The following TPH2 variants were observed in gnomAD, a reference collection of about 807,000 sequenced individuals.
The protein encoded by TPH2 is tryptophan hydroxylase 2, also known as tryptophan 5-hydroxylase 2.
Under a neutral mutation model 59.1 loss-of-function variants are expected in TPH2, and 27 were observed. That is an observed-to-expected ratio of 0.46 (90% confidence interval 0.34 to 0.63). The LOEUF (loss-of-function observed/expected upper bound fraction) is 0.63. TPH2 is among the 30% of genes least tolerant of loss of function. The pLI is 0.01. For missense variants in TPH2, 523 were observed against 588.3 expected (o/e 0.89, Z 1.15); for synonymous variants, 220 against 210.5 (o/e 1.05, Z -0.39).
intron 8 of TPH2, among the ~76,000 whole-genome samples, chr12:72,009,375 A>G (rs897464887): frequency 1.3e-5 from 2 of 152,222 alleles, no homozygotes; most frequent in African/African-American, 4.8e-5. Context: ...TCAAGTCATC[A>G]TCCTTTATTG....
chr12:72,021,636 AG>A (rs1196603435), intron 8 of TPH2, among the ~76,000 whole-genome samples: 1 of 152,178 alleles, frequency 6.6e-6, no homozygotes, highest in Non-Finnish European at 1.5e-5. Context: ...AGGCTAAGCT[AG>A]GATGTTCAGC....
chr12:71,943,564 G>C (rs1237723734), intron 2 of TPH2, among the ~76,000 whole-genome samples: 7 of 152,120 alleles, frequency 4.6e-5, no homozygotes, highest in Non-Finnish European at 8.8e-5. Flanking sequence ...TTTGAAGATT[G>C]CCAAAAGAGA....
At chr12:72,018,479 A>G (rs912985498) in intron 8 of TPH2, among the ~76,000 whole-genome samples, 4 of 152,156 alleles carry the variant, frequency 2.6e-5, no homozygotes, top group African/African-American at 9.7e-5. Flanking sequence ...ATTTTTTCAG[A>G]GGCTCTCTTA....
intron 9 of TPH2, among the ~76,000 whole-genome samples, chr12:72,028,401 A>G (rs1873627343): frequency 6.6e-6 from 1 of 152,150 alleles, no homozygotes; most frequent in Non-Finnish European, 1.5e-5. Context: ...AGAAAATGAG[A>G]AGCAAACTCA....
chr12:71,981,434 G>A (rs371068123), intron 7 of TPH2, among the ~76,000 whole-genome samples: 1 of 152,150 alleles, frequency 6.6e-6, no homozygotes, highest in African/African-American at 2.4e-5. Flanking sequence ...GGGAATTGTT[G>A]AGAATGAACA....
intron 9 of TPH2, among the ~76,000 whole-genome samples, chr12:72,023,824 A>AAAAAAAAAAAAAAAG (rs1555215108): frequency 4.7e-5 from 6 of 126,734 alleles, no homozygotes; most frequent in South Asian, 2.5e-4. Context: ...TCTGACAGAA[A>AAAAAAAAAAAAAAAG]AAAAAAAAAA....
chr12:71,940,463 A>G (rs997596859), intron 1 of TPH2, among the ~76,000 whole-genome samples: 1 of 152,200 alleles, frequency 6.6e-6, no homozygotes, highest in Non-Finnish European at 1.5e-5. Context: ...ATGGCAGATA[A>G]CTATTCACTG....
At chr12:71,966,603 A>T (rs1174841999) in intron 5 of TPH2, among the ~76,000 whole-genome samples, 4 of 152,210 alleles carry the variant, frequency 2.6e-5, no homozygotes, top group Admixed American at 6.5e-5. Context: ...TAATGAAATA[A>T]AATAGTAAAT....
At chr12:72,014,640 C>T (rs1436909325) in intron 8 of TPH2, among the ~76,000 whole-genome samples, 2 of 152,144 alleles carry the variant, frequency 1.3e-5, no homozygotes, top group African/African-American at 4.8e-5. Context: ...ATCTACCCGC[C>T]TTGGCCTCCC....
At chr12:72,021,381 GTGTGTGTGTGTGTGTA>G (rs1324053332) in intron 8 of TPH2, among the ~76,000 whole-genome samples, 9 of 150,626 alleles carry the variant, frequency 6.0e-5, no homozygotes, top group African/African-American at 2.2e-4. Context: ...GTGTGTGTGT[GTGTGTGTGTGTGTGTA>G]TGTGTGTATA....
intron 8 of TPH2, among the ~76,000 whole-genome samples, chr12:71,995,533 C>T (rs1455769697): frequency 6.6e-6 from 1 of 152,186 alleles, no homozygotes; most frequent in East Asian, 1.9e-4. Context: ...TCTTTCAGTA[C>T]ATCTTTTGTT....
intron 8 of TPH2, among the ~76,000 whole-genome samples, chr12:72,014,301 T>C (rs1005444545): frequency 1.3e-5 from 2 of 152,128 alleles, no homozygotes; most frequent in African/African-American, 4.8e-5. Context: ...ACATTTTACA[T>C]AGGACTAGCC....
chr12:71,992,096 T>C (rs113329458), intron 7 of TPH2, among the ~76,000 whole-genome samples: 1 of 152,310 alleles, frequency 6.6e-6, no homozygotes, highest in African/African-American at 2.4e-5. Flanking sequence ...TGAGAAGCAC[T>C]GGGTTGGAGG....
Position 71,972,597 on chromosome 12 carries a change from ACT to A in TPH2, c.690_691del (p.Tyr231SerfsTer17). On this transcript the variant is annotated frameshift_variant, in exon 6 of 11. Coordinates refer to ENST00000333850, the MANE Select transcript of TPH2 (RefSeq NM_173353.4). LOFTEE classifies it high-confidence loss of function. ...WGVVFRELSK[L>X]YPTHACREYL... ...GTGTTGTATTCCGGGAGCTCTCCAA[ACT>A]CTATCCCACTCATGCTTGCCGAGAG... 1 of 1,613,990 alleles carries A rather than the reference ACT, an allele frequency of 6.2e-7. No individual in the cohort carries two copies. The highest frequency in any genetic ancestry group is 8.5e-7 in the Non-Finnish European group (1 of 1,179,986).
At chr12:72,012,173 T>TCAACAACAACAACAACAACAA (rs58438005) in intron 8 of TPH2, among the ~76,000 whole-genome samples, 10 of 151,536 alleles carry the variant, frequency 6.6e-5, no homozygotes, top group African/African-American at 1.7e-4. Flanking sequence ...GAGCAGGAAT[T>TCAACAACAACAACAACAACAA]CAACAACAAC....
At chr12:71,964,913 C>T (rs1871775349) in intron 5 of TPH2, 1 of 222,560 alleles carries the variant, frequency 4.5e-6, no homozygotes, top group Non-Finnish European at 7.6e-6. Context: ...CAATAGTTTA[C>T]TTTCCTGCTC....
chr12:72,015,204 A>G (rs142659864), intron 8 of TPH2, among the ~76,000 whole-genome samples: 35 of 151,902 alleles, frequency 2.3e-4, no homozygotes, highest in African/African-American at 8.0e-4. Context: ...AAGTGTATAC[A>G]TTGACATACT....
chr12:72,014,600 A>T (rs1318731478), intron 8 of TPH2, among the ~76,000 whole-genome samples: 2 of 152,234 alleles, frequency 1.3e-5, no homozygotes, highest in African/African-American at 4.8e-5. Flanking sequence ...CATGTTGGCC[A>T]GGCTGGTCTC....
At chr12:71,955,860 T>C (rs1165828519) in intron 5 of TPH2, among the ~76,000 whole-genome samples, 1 of 152,252 alleles carries the variant, frequency 6.6e-6, no homozygotes, top group East Asian at 1.9e-4. Flanking sequence ...GTCTGATTTT[T>C]ACACTATATT....
Sources: gnomAD v4.1 joint callset for allele counts (sites outside exome capture counted in the v4.1 genomes callset) on GRCh38, gnomAD v4.1.1 for gene constraint, MANE v1.5 for transcripts, NCBI Gene and HGNC (gene_info 2026-07-23, HGNC 2026-07-21) for gene names.